Variants in CEP72 observed in about 807,000 individuals in gnomAD.
CEP72 encodes centrosomal protein 72.
In CEP72, 78 loss-of-function variants were observed where a neutral mutation model predicts 65.7. That is an observed-to-expected ratio of 1.19 (90% CI 0.99 to 1.43). CEP72 has a LOEUF of 1.43. Among genes scored for constraint, CEP72 ranks in the 40% most tolerant of loss-of-function variants. The pLI is 0.00. For missense variants in CEP72, 914 were observed against 832.9 expected (o/e 1.10, Z -1.20); for synonymous variants, 358 against 351.7 (o/e 1.02, Z -0.20).
chr5:671,836 C>T (rs148368298), downstream of CEP72, among the ~76,000 whole-genome samples: 1,852 of 152,346 alleles, frequency 0.012, 46 homozygotes, highest in African/African-American at 0.043. Context: ...GACAGGGTGG[C>T]ACCCACAGCA....
the CEP72 span, among the ~76,000 whole-genome samples, chr5:675,265 G>A: frequency 1.6e-4 from 19 of 121,784 alleles, no homozygotes; most frequent in African/African-American, 5.4e-4. Flanking sequence ...TGTGGCCGGG[G>A]GTGCAGCCCA....
downstream of CEP72, among the ~76,000 whole-genome samples, chr5:669,730 C>G (rs1247723487): frequency 6.6e-6 from 1 of 152,086 alleles, no homozygotes; most frequent in Admixed American, 6.5e-5. Context: ...TGCGCGCTCC[C>G]CGAGTGTCTC....
intron 4 of CEP72, chr5:666,129 G>GGGGCACAGGCAACTTA (rs1554021107): frequency 1.2e-6 from 2 of 1,605,662 alleles, no homozygotes; most frequent in African/African-American, 2.7e-5. Context: ...TCCCTCTACA[G>GGGGCACAGGCAACTTA]GGGCACAGGC....
chr5:616,509 G>A (rs1023957532), intron 1 of CEP72, among the ~76,000 whole-genome samples: 1 of 151,712 alleles, frequency 6.6e-6, no homozygotes, highest in Non-Finnish European at 1.5e-5. Flanking sequence ...CATTTTTCTG[G>A]TTCTTGGTCA....
At chr5:616,488 A>G (rs950446925) in intron 1 of CEP72, among the ~76,000 whole-genome samples, 3 of 151,268 alleles carry the variant, frequency 2.0e-5, no homozygotes, top group African/African-American at 7.3e-5. Flanking sequence ...GTGTTTTCTC[A>G]TTCAAATTGC....
chr5:626,496 C>T (rs1736767157), intron 4 of CEP72, among the ~76,000 whole-genome samples: 1 of 152,154 alleles, frequency 6.6e-6, no homozygotes, highest in Non-Finnish European at 1.5e-5. Flanking sequence ...GTGATTTTCT[C>T]CTTCAGCCTG....
the CEP72 span, among the ~76,000 whole-genome samples, chr5:672,510 G>A: frequency 2.6e-5 from 4 of 152,246 alleles, no homozygotes; most frequent in Non-Finnish European, 5.9e-5. Flanking sequence ...CTGCCTCATC[G>A]GCTGGGTGCC....
chr5:633,645 GC>G, intron 4 of CEP72, 123 bp from the exon 5 acceptor site: 1 of 876,234 alleles, frequency 1.1e-6, no homozygotes. Context: ...GGACCCGGCT[GC>G]CCCACGTTTG....
At chr5:666,046 T>G (rs139049812) in exon 4 of CEP72, 11 of 1,611,972 alleles carry the variant, frequency 6.8e-6, no homozygotes, top group Non-Finnish European at 9.3e-6. Context: ...GCTGCTCTTG[T>G]CTTTGAATCG....
intron 8 of CEP72, 23 bp downstream of exon 8, chr5:639,247 C>A: frequency 6.5e-7 from 1 of 1,547,486 alleles, no homozygotes; most frequent in South Asian, 1.2e-5. Context: ...GGCCACTGCT[C>A]TTGCCCTGTA....
intron 8 of CEP72, among the ~76,000 whole-genome samples, 154 bp from the exon 9 acceptor site, chr5:640,254 G>T (rs573372548): frequency 6.6e-6 from 1 of 152,212 alleles, no homozygotes; most frequent in South Asian, 2.1e-4. Context: ...CAGAGCCTGA[G>T]GTGGTTTTGT....
chr5:657,957 T>G (rs1385405793), downstream of CEP72, among the ~76,000 whole-genome samples: 1 of 152,262 alleles, frequency 6.6e-6, no homozygotes, highest in East Asian at 1.9e-4. Context: ...GTCACAGGGC[T>G]GAGCAGGCTT....
At chr5:612,917 A>G (rs1272075492) in intron 1 of CEP72, among the ~76,000 whole-genome samples, 1 of 152,174 alleles carries the variant, frequency 6.6e-6, no homozygotes, top group Non-Finnish European at 1.5e-5. Context: ...TAAACTGCTG[A>G]GAAGTGTTGC....
At chr5:658,943 C>G (rs1739471773), downstream of CEP72, among the ~76,000 whole-genome samples, 1 of 152,230 alleles carries the variant, frequency 6.6e-6, no homozygotes, top group Non-Finnish European at 1.5e-5. Context: ...GCTGGGACTA[C>G]AGGTGTGAGC....
Position 653,092 on chromosome 5 carries a change from A to G in CEP72, c.1883A>G (p.Lys628Arg), listed in dbSNP as rs776060965. The G allele has an allele frequency of 6.2e-7, 1 of 1,613,724 alleles. No homozygotes were observed. Among genetic ancestry groups the G allele is most frequent in the South Asian group, 1.1e-5 (1 of 91,080 alleles). Residue 628 changes from lysine to arginine, a missense_variant, in exon 12 of 12, where the codon AAG (lysine) becomes AGG (arginine). Lys to Arg is a conservative substitution (Grantham distance 26). Transcript: ENST00000264935. ...ATGCACTGGAGCTACCAGGAGCTCA[A>G]GAAGACCATGGCCCTGTTTCCACAC... ...EQMHWSYQEL[K>R]KTMALFPHSS...
At chr5:662,596 G>T (rs1286497508) in intron 1 of CEP72, 1 of 152,596 alleles carries the variant, frequency 6.6e-6, no homozygotes, top group Non-Finnish European at 1.5e-5. Flanking sequence ...GCGTGGCTTG[G>T]CCGTGACTGT....
At chr5:622,233 T>C (rs1271915574) in intron 3 of CEP72, among the ~76,000 whole-genome samples, 1 of 152,234 alleles carries the variant, frequency 6.6e-6, no homozygotes, top group Non-Finnish European at 1.5e-5. Flanking sequence ...CTTGGAAGAA[T>C]GCCCCAGTCT....
In CEP72 at chr5:628,483, G is replaced by A. The variant is rs1031474620; in HGVS notation, c.512+3904G>A. On this transcript the variant is annotated intron_variant, in intron 4 of 11. Transcript: ENST00000264935. Reference sequence around the variant, plus strand: ...GTGCAGCTTCTGGAGAACTCAGGTTGCCGTCCCTGGGGAGTGTTCCCAGGA... The same window carrying A: ...GTGCAGCTTCTGGAGAACTCAGGTTACCGTCCCTGGGGAGTGTTCCCAGGA... Among the ~76,000 whole-genome samples the A allele has an allele frequency of 2.2e-3, 270 of 122,692 alleles. 2 individuals carry two copies. Among genetic ancestry groups the A allele is most frequent in the African/African-American group, 8.6e-3 (246 of 28,502 alleles). 80.5% of individuals were successfully genotyped at this position (122,692 alleles called of 152,430 possible).
intron 11 of CEP72, among the ~76,000 whole-genome samples, chr5:650,851 GCGTGGAC>G (rs1738994330): frequency 1.8e-4 from 2 of 10,964 alleles, no homozygotes; most frequent in Non-Finnish European, 3.0e-4. Flanking sequence ...GGACTGTGAG[GCGTGGAC>G]TGTGAGGCGT....
Sources: gnomAD v4.1 joint callset for allele counts (sites outside exome capture counted in the v4.1 genomes callset) on GRCh38, gnomAD v4.1.1 for gene constraint, MANE v1.5 for transcripts, NCBI Gene and HGNC (gene_info 2026-07-23, HGNC 2026-07-21) for gene names.